The following DACH1 variants were observed in gnomAD, a reference collection of about 807,000 sequenced individuals.
The protein encoded by DACH1 is dachshund homolog 1.
In DACH1, 12 loss-of-function variants were observed where a neutral mutation model predicts 54.2. That is an observed-to-expected ratio of 0.22 (90% CI 0.14 to 0.36). The LOEUF is 0.36. Ranked by LOEUF, DACH1 falls within the 10% of genes least tolerant of loss-of-function variation. The pLI, the probability that DACH1 is intolerant of heterozygous loss-of-function variation, is 1.00. For synonymous variants in DACH1, 386 were observed against 366.2 expected, an observed-to-expected ratio of 1.05 and a Z score of -0.62; for missense variants, 805 against 929.8, an observed-to-expected ratio of 0.87 and a Z score of 1.75.
chr13:71,639,703 A>G (rs892755049), intron 2 of DACH1, among the ~76,000 whole-genome samples: 1 of 152,080 alleles, frequency 6.6e-6, no homozygotes, highest in African/African-American at 2.4e-5. Flanking sequence ...TAGGGAAGTC[A>G]TCTGGCCATA....
intron 1 of DACH1, among the ~76,000 whole-genome samples, chr13:71,746,216 C>G (rs186148515): frequency 6.6e-6 from 1 of 151,824 alleles, no homozygotes; most frequent in African/African-American, 2.4e-5. Context: ...GACCCTGTTT[C>G]AAATAAAATA....
At chr13:71,811,159 C>T (rs907611142) in intron 1 of DACH1, among the ~76,000 whole-genome samples, 7 of 151,948 alleles carry the variant, frequency 4.6e-5, no homozygotes, top group African/African-American at 1.4e-4. Context: ...TTAATTTTGT[C>T]CCAGTGAAAT....
At chr13:71,551,266 T>C (rs553664697) in intron 6 of DACH1, among the ~76,000 whole-genome samples, 3 of 152,266 alleles carry the variant, frequency 2.0e-5, no homozygotes, top group African/African-American at 7.2e-5. Flanking sequence ...ATCAGTAGAA[T>C]TGGGATATCC....
At chr13:71,823,732 A>C (rs138531788) in intron 1 of DACH1, among the ~76,000 whole-genome samples, 91 of 152,124 alleles carry the variant, frequency 6.0e-4, no homozygotes, top group African/African-American at 2.2e-3. Flanking sequence ...AACAAACCAA[A>C]ATTATTTCAA....
intron 4 of DACH1, 53 bp downstream of exon 4, chr13:71,572,787 G>C: frequency 1.3e-6 from 2 of 1,542,830 alleles, no homozygotes; most frequent in Non-Finnish European, 1.8e-6. Flanking sequence ...ATGGATTAAG[G>C]GATGGTGGCT....
At chr13:71,482,128 A>AT (rs1273584858) in intron 7 of DACH1, among the ~76,000 whole-genome samples, 29 of 152,130 alleles carry the variant, frequency 1.9e-4, no homozygotes, top group Admixed American at 7.9e-4. Context: ...TTGACCCCAA[A>AT]TTTTTTTTCT....
At chr13:71,625,729 G>A (rs1876595418) in intron 3 of DACH1, among the ~76,000 whole-genome samples, 1 of 151,940 alleles carries the variant, frequency 6.6e-6, no homozygotes, top group Non-Finnish European at 1.5e-5. Context: ...AATGTGTTCA[G>A]GTTTGTTGAT....
chr13:71,800,317 T>C (rs575361029), intron 1 of DACH1, among the ~76,000 whole-genome samples: 238 of 152,188 alleles, frequency 1.6e-3, no homozygotes, highest in African/African-American at 5.3e-3. Context: ...AGAAATCTAA[T>C]AGCCGGAGCA....
intron 7 of DACH1, among the ~76,000 whole-genome samples, chr13:71,485,575 CTTTTTTTTTTTTTTTTT>C (rs68024614): frequency 4.3e-5 from 2 of 46,150 alleles, no homozygotes; most frequent in East Asian, 1.6e-3. Context: ...TTCTTTTCTT[CTTTTTTTTTTTTTTTTT>C]TTTTTTTTAG....
intron 2 of DACH1, among the ~76,000 whole-genome samples, chr13:71,677,717 TTTTTTGTTTTGTTTTG>T (rs1232194410): frequency 1.3e-5 from 2 of 151,938 alleles, no homozygotes; most frequent in African/African-American, 4.8e-5. Flanking sequence ...GTTTGTTTGG[TTTTTTGTTTTGTTTTG>T]TTTTTGAGAC....
chr13:71,788,613 G>A lies in DACH1; in HGVS notation c.848+77309C>T, dbSNP rs149558955. Among the ~76,000 whole-genome samples, 1,072 of 151,748 alleles carry A rather than the reference G, an allele frequency of 7.1e-3. 3 individuals are homozygous for A. Among genetic ancestry groups the A allele is most frequent in the Non-Finnish European group, 0.011 (750 of 67,862 alleles). On this transcript the variant is annotated intron_variant, in intron 1 of 10. Transcript: ENST00000613252. ...CCCCACACACACACCTTCTTCTACCGCTATATTAGTTCATAAAATGTAAAA... is the reference window on the plus strand; with the variant it reads ...CCCCACACACACACCTTCTTCTACCACTATATTAGTTCATAAAATGTAAAA...
chr13:71,553,922 T>C (rs1369825467), intron 6 of DACH1, among the ~76,000 whole-genome samples: 3 of 151,858 alleles, frequency 2.0e-5, no homozygotes, highest in African/African-American at 7.2e-5. Flanking sequence ...AATTTTGGCA[T>C]CTATTTTTGG....
intron 1 of DACH1, among the ~76,000 whole-genome samples, chr13:71,785,091 T>A (rs1422994681): frequency 6.6e-6 from 1 of 152,142 alleles, no homozygotes; most frequent in Non-Finnish European, 1.5e-5. Context: ...TTATTTTCAA[T>A]TGTGAGAGTT....
intron 3 of DACH1, among the ~76,000 whole-genome samples, chr13:71,594,356 T>C (rs974148983): frequency 1.3e-5 from 2 of 152,100 alleles, no homozygotes; most frequent in Non-Finnish European, 2.9e-5. Flanking sequence ...TATTTATAAT[T>C]GCATGCTCAG....
Position 71,528,871 on chromosome 13 carries a change from CTATTAA to C in DACH1, c.1570+28147_1570+28152del, listed in dbSNP as rs1468105050. ...ACACTAAATGTTCTATAAAAGGTAG[CTATTAA>C]TATTAATATTAAAAATAGGCAAATT... On this transcript the variant is annotated intron_variant, in intron 6 of 10. Transcript: ENST00000613252. Among the ~76,000 whole-genome samples the C allele has an allele frequency of 5.3e-5, 8 of 151,892 alleles. 1 individual carries two copies. The highest frequency in any genetic ancestry group is 3.9e-4 in the Admixed American group (6 of 15,248).
At chr13:71,569,447 C>A (rs1005384374) in intron 4 of DACH1, among the ~76,000 whole-genome samples, 2 of 152,084 alleles carry the variant, frequency 1.3e-5, no homozygotes, top group East Asian at 1.9e-4. Flanking sequence ...ATATAATTCT[C>A]ATGTGTCATG....
chr13:71,461,782 A>G (rs551925702), intron 10 of DACH1, among the ~76,000 whole-genome samples: 10 of 152,150 alleles, frequency 6.6e-5, no homozygotes, highest in African/African-American at 2.4e-4. Flanking sequence ...AGACAATGAT[A>G]CTTTGGAACA....
intron 4 of DACH1, among the ~76,000 whole-genome samples, chr13:71,565,105 T>C (rs543684601): frequency 3.3e-5 from 5 of 152,028 alleles, no homozygotes; most frequent in Admixed American, 6.6e-5. Flanking sequence ...TATTGTTAGC[T>C]GAGACGGGGT....
At chr13:71,513,555 A>G (rs1477118365) in intron 6 of DACH1, among the ~76,000 whole-genome samples, 1 of 152,050 alleles carries the variant, frequency 6.6e-6, no homozygotes, top group Non-Finnish European at 1.5e-5. Flanking sequence ...ATATTACTGT[A>G]CCATGCTATT....
Sources: allele counts gnomAD v4.1 joint callset (sites outside exome capture counted in the v4.1 genomes callset), GRCh38; gene constraint gnomAD v4.1.1; transcripts MANE v1.5; gene names NCBI Gene and HGNC (gene_info 2026-07-23, HGNC 2026-07-21).